The following PCDH7 variants were observed in gnomAD, a reference collection of about 807,000 sequenced individuals.
PCDH7 encodes the protein protocadherin 7, also known as protocadherin-7.
A neutral mutation model predicts 58.9 loss-of-function variants in PCDH7; 17 were observed. The ratio of observed to expected loss-of-function variants is 0.29; its 90% CI spans 0.20 to 0.43. PCDH7 has a LOEUF of 0.43. Among genes scored for constraint, PCDH7 ranks in the 20% least tolerant of loss-of-function variants. PCDH7 has a pLI of 1.00. For missense variants in PCDH7, 1,274 were observed against 1,441.0 expected, an observed-to-expected ratio of 0.88 and a Z score of 1.88; for synonymous variants, 664 against 616.4, an observed-to-expected ratio of 1.08 and a Z score of -1.14.
At chr4:30,894,961 A>T (rs913156725) in intron 1 of PCDH7, among the ~76,000 whole-genome samples, 1 of 151,890 alleles carries the variant, frequency 6.6e-6, no homozygotes, top group African/African-American at 2.4e-5. Context: ...GTAAGTGCTA[A>T]ATCAATTATA....
At chr4:31,079,992 C>A (rs1239977162) in intron 3 of PCDH7, among the ~76,000 whole-genome samples, 3 of 152,148 alleles carry the variant, frequency 2.0e-5, no homozygotes. Flanking sequence ...AGAAGTGCCG[C>A]AACCTCTCTT....
intron 3 of PCDH7, among the ~76,000 whole-genome samples, chr4:31,035,160 G>A (rs1356066507): frequency 6.6e-6 from 1 of 151,336 alleles, no homozygotes; most frequent in Non-Finnish European, 1.5e-5. Flanking sequence ...ATCTCTTCCA[G>A]TAAGATATGT....
chr4:30,970,515 G>A (rs1749488700), intron 3 of PCDH7, among the ~76,000 whole-genome samples: 1 of 151,960 alleles, frequency 6.6e-6, no homozygotes, highest in Non-Finnish European at 1.5e-5. Flanking sequence ...GGGTGGTCTC[G>A]ATCTCCTGAC....
intron 1 of PCDH7, among the ~76,000 whole-genome samples, chr4:30,796,969 C>CTT (rs887794843): frequency 6.9e-6 from 1 of 145,654 alleles, no homozygotes; most frequent in African/African-American, 2.5e-5. Context: ...TTTTCTTTTT[C>CTT]TTTTTTTTTT....
chr4:31,060,052 G>C (rs13130808), intron 3 of PCDH7, among the ~76,000 whole-genome samples: 5,828 of 151,726 alleles, frequency 0.038, 366 homozygotes, highest in East Asian at 0.32. Context: ...AAGAAATGTA[G>C]AGTGTGCTGA....
intron 3 of PCDH7, among the ~76,000 whole-genome samples, chr4:31,025,355 G>A (rs1480856332): frequency 2.0e-5 from 3 of 152,190 alleles, no homozygotes; most frequent in African/African-American, 7.2e-5. Context: ...CATTAGGAGA[G>A]TGACTTGTTT....
At chr4:30,757,182 A>G (rs1159204844) in intron 1 of PCDH7, among the ~76,000 whole-genome samples, 2 of 152,212 alleles carry the variant, frequency 1.3e-5, no homozygotes, top group East Asian at 3.9e-4. Flanking sequence ...CTCAATGTGT[A>G]ATGTGTGCAA....
intron 3 of PCDH7, among the ~76,000 whole-genome samples, chr4:31,015,522 C>T (rs12512723): frequency 1.3e-5 from 2 of 152,050 alleles, no homozygotes; most frequent in Non-Finnish European, 2.9e-5. Flanking sequence ...ATTTTACAAG[C>T]GTGACACGTC....
At chr4:31,069,731 T>C (rs1473536832) in intron 3 of PCDH7, among the ~76,000 whole-genome samples, 4 of 152,024 alleles carry the variant, frequency 2.6e-5, no homozygotes, top group African/African-American at 9.7e-5. Flanking sequence ...CACCTGTTCA[T>C]GTGGCATATT....
At chr4:30,923,119 T>C (rs928454405) in intron 2 of PCDH7, among the ~76,000 whole-genome samples, 1 of 152,140 alleles carries the variant, frequency 6.6e-6, no homozygotes, top group African/African-American at 2.4e-5. Flanking sequence ...TAAAATACCA[T>C]TTTGGATGCT....
chr4:30,878,062 T>C (rs2109367792), intron 1 of PCDH7, among the ~76,000 whole-genome samples: 1 of 152,200 alleles, frequency 6.6e-6, no homozygotes, highest in East Asian at 1.9e-4. Flanking sequence ...ATATGGTAAT[T>C]AAGATGTGGA....
chr4:30,837,865 A>G (rs1010796844), intron 1 of PCDH7, among the ~76,000 whole-genome samples: 1 of 145,276 alleles, frequency 6.9e-6, no homozygotes, highest in Non-Finnish European at 1.5e-5. Context: ...TATATAATCA[A>G]TTATTTTAAA....
At chr4:30,880,880 T>C (rs189093324) in intron 1 of PCDH7, among the ~76,000 whole-genome samples, 1 of 152,152 alleles carries the variant, frequency 6.6e-6, no homozygotes, top group African/African-American at 2.4e-5. Context: ...GTCAGGAGTA[T>C]GGCTGGAGCT....
At chr4:30,936,509 C>T (rs530717748) in intron 2 of PCDH7, among the ~76,000 whole-genome samples, 5 of 152,124 alleles carry the variant, frequency 3.3e-5, no homozygotes, top group Admixed American at 6.6e-5. Context: ...TGATTTATTG[C>T]GTAGTTTTAA....
chr4:30,833,203 A>G (rs1730032454), intron 1 of PCDH7, among the ~76,000 whole-genome samples: 3 of 152,120 alleles, frequency 2.0e-5, no homozygotes, highest in African/African-American at 7.2e-5. Context: ...GTGTCTTAAA[A>G]CATCTCAAAT....
At chr4:31,120,286 A>G (rs111566780) in intron 3 of PCDH7, among the ~76,000 whole-genome samples, 201 of 145,738 alleles carry the variant, frequency 1.4e-3, no homozygotes, top group African/African-American at 4.7e-3. Context: ...TTTCCTGTTC[A>G]TCCCTATTTC....
chr4:31,062,015 C>T (rs1757727593), intron 3 of PCDH7, among the ~76,000 whole-genome samples: 1 of 151,742 alleles, frequency 6.6e-6, no homozygotes, highest in African/African-American at 2.4e-5. Flanking sequence ...GAAGTAGAAC[C>T]ATACACAAGG....
intron 3 of PCDH7, among the ~76,000 whole-genome samples, chr4:30,989,518 T>A (rs1751276422): frequency 6.6e-6 from 1 of 152,206 alleles, no homozygotes; most frequent in South Asian, 2.1e-4. Flanking sequence ...AAAGTCTCTA[T>A]GCTCATTAAC....
chr4:30,813,077 C>T (rs2121656), intron 1 of PCDH7, among the ~76,000 whole-genome samples: 37,488 of 152,016 alleles, frequency 0.25, 5,203 homozygotes, highest in African/African-American at 0.38. Flanking sequence ...TATAGGAGAG[C>T]TGCTGGAAAT....
Sources: allele counts gnomAD v4.1 joint callset (sites outside exome capture counted in the v4.1 genomes callset), GRCh38; gene constraint gnomAD v4.1.1; transcripts MANE v1.5; gene names NCBI Gene and HGNC (gene_info 2026-07-23, HGNC 2026-07-21).